The following HMGCL variants were observed in gnomAD, a reference collection of about 807,000 sequenced individuals.
HMGCL encodes the protein hydroxymethylglutaryl-CoA lyase, mitochondrial.
A neutral mutation model predicts 37.3 loss-of-function variants in HMGCL; 26 were observed. The observed-to-expected ratio is 0.70, with a 90% confidence interval of 0.51 to 0.97. The LOEUF (loss-of-function observed/expected upper bound fraction) is 0.97. Ranked by LOEUF, HMGCL falls within the 50% of genes least tolerant of loss-of-function variation. The pLI is 0.00. For missense variants in HMGCL, 379 were observed against 398.1 expected (o/e 0.95, Z 0.41); for synonymous variants, 151 against 148.0 (o/e 1.02, Z -0.15).
At chr1:23,802,843 T>C (rs1056541206) in intron 8 of HMGCL, among the ~76,000 whole-genome samples, 4 of 152,164 alleles carry the variant, frequency 2.6e-5, no homozygotes, top group African/African-American at 9.7e-5. Context: ...GTACTCCCTC[T>C]TCAGGGCCCA....
At position 23,823,048 on chromosome 1, in the gene HMGCL, T is replaced by G. The variant is rs1020957727; in HGVS notation, c.60+2308A>C. ...TAAATTAGCTAGGCATGGCAGCAGG[T>G]GCCTGCAATCCCAGCTACTCGGGAG... On this transcript the variant is annotated intron_variant, in intron 1 of 8. Transcript: ENST00000374490. 8.6e-5 allele frequency among the ~76,000 whole-genome samples: 13 copies of G among 151,982 alleles called. No individual in the cohort carries two copies. The South Asian group carries it at 1.9e-3, about 22-fold the overall frequency.
At chr1:23,810,861 G>T in intron 5 of HMGCL, 62 bp from the exon 6 acceptor site, 1 of 1,355,022 alleles carries the variant, frequency 7.4e-7, no homozygotes, top group Non-Finnish European at 1.1e-6. Context: ...GCAGAACTGA[G>T]GCAGGGCTGT....
intron 1 of HMGCL, among the ~76,000 whole-genome samples, chr1:23,821,645 C>T (rs1638723463): frequency 1.3e-5 from 2 of 151,916 alleles, no homozygotes; most frequent in Admixed American, 6.6e-5. Flanking sequence ...GGCAACAGAG[C>T]GAGACCCTGT....
chr1:23,814,267 A>G lies in HMGCL; in HGVS notation c.420T>C (p.Asn140=). ...ASELFTKKNI[N]CSIEESFQRF... ...TCTGAAAACTCTCCTCTATGGAACA[A>G]TTGATGTTCTTCTTGGTGAAGAGCT... is the stretch of plus-strand genomic sequence containing the variant. Residue 140 remains asparagine, a synonymous_variant, in exon 5 of 9, where the codon AAT becomes AAC. Transcript: ENST00000374490. 1.2e-6 allele frequency: 2 copies of G among 1,614,030 alleles called. No individual in the cohort carries two copies. The highest frequency in any genetic ancestry group is 1.1e-5 in the South Asian group (1 of 91,078).
chr1:23,802,240 G>T lies in HMGCL; in HGVS notation c.*223C>A. 1 of 603,924 alleles carries T rather than the reference G, an allele frequency of 1.7e-6. No homozygotes were observed. Among genetic ancestry groups the T allele is most frequent in the Non-Finnish European group, 2.9e-6 (1 of 340,322 alleles). The allele number at this position is 603,924 out of a possible 1,614,324, so 37.4% of individuals were successfully genotyped here. On this transcript the variant is annotated 3_prime_UTR_variant, in exon 9 of 9. Coordinates refer to ENST00000374490, the MANE Select transcript of HMGCL (RefSeq NM_000191.3). ...GGGTCCGTAACAAAGGGAGACTTCAGCCCTCAAAGCCTCTCACTCCTCAGG... is the reference window on the plus strand; with the variant it reads ...GGGTCCGTAACAAAGGGAGACTTCATCCCTCAAAGCCTCTCACTCCTCAGG...
chr1:23,823,744 C>A (rs542099052), intron 1 of HMGCL, among the ~76,000 whole-genome samples: 5 of 151,788 alleles, frequency 3.3e-5, no homozygotes, highest in African/African-American at 1.2e-4. Context: ...AAATCTAAGG[C>A]CCCACTTGGG....
In HMGCL at chr1:23,825,399, T is replaced by G; in HGVS notation, c.17A>C (p.Lys6Thr). The G allele has an allele frequency of 6.4e-7, 1 of 1,560,384 alleles. No homozygotes were observed. Among genetic ancestry groups the G allele is most frequent in the South Asian group, 1.2e-5 (1 of 84,764 alleles). Reference protein sequence around the residue: MAAMRKALPRRLVGLA... With the variant: MAAMRTALPRRLVGLA... ...GCCCACCAGTCGCCGCGGAAGCGCC[T>G]TCCTCATTGCTGCCATCTTGGCCCA... Residue 6 changes from lysine to threonine, a missense_variant, in exon 1 of 9, where the codon AAG becomes ACG. Physicochemically the swap from Lys to Thr is moderately conservative, Grantham distance 78 (BLOSUM62 -1). Transcript: ENST00000374490.
At chr1:23,820,450 A>T in intron 2 of HMGCL, 60 bp downstream of exon 2, 1 of 1,149,626 alleles carries the variant, frequency 8.7e-7, no homozygotes, top group Non-Finnish European at 1.3e-6. Context: ...CACCTATCAC[A>T]CGTAATACTC....
At chr1:23,818,959 C>T (rs1638662357) in intron 2 of HMGCL, among the ~76,000 whole-genome samples, 1 of 120,326 alleles carries the variant, frequency 8.3e-6, no homozygotes, top group African/African-American at 3.2e-5. Flanking sequence ...AACTTACACA[C>T]TATTGTTTCC....
chr1:23,819,006 T>TAAAAAAAAAAAAAAA (rs11371330), intron 2 of HMGCL, among the ~76,000 whole-genome samples: 6 of 43,144 alleles, frequency 1.4e-4, no homozygotes, highest in East Asian at 8.7e-4. Context: ...ATGGACGTGC[T>TAAAAAAAAAAAAAAA]AAAAAAAAAA....
At position 23,806,690 on chromosome 1, in the gene HMGCL, A is replaced by G. The variant is rs1230725764; in HGVS notation, c.750+1445T>C. On this transcript the variant is annotated intron_variant, in intron 7 of 8. Coordinates refer to ENST00000374490, the MANE Select transcript of HMGCL (RefSeq NM_000191.3). The surrounding 1 kb of genome is among the most constrained non-coding windows in gnomAD (Gnocchi z 4.0). ...TGGCCTGCTGTATGTTTGTTTATTTATTATCTGTCTCATAGTACTAGAGTG... is the reference window on the plus strand; with the variant it reads ...TGGCCTGCTGTATGTTTGTTTATTTGTTATCTGTCTCATAGTACTAGAGTG... The G allele has an allele frequency of 6.9e-5, 22 of 317,986 alleles. No homozygotes were observed. The Admixed American group carries it at 9.3e-4, about 13-fold the overall frequency. The allele number at this position is 317,986 out of a possible 1,614,324, so 19.7% of individuals were successfully genotyped here.
In HMGCL at chr1:23,808,140, G is replaced by C; in HGVS notation, c.745C>G (p.Leu249Val). ...GQALANTLMA[L>V]QMGVSVVDSS... ...GGGCATATGCTTTTGATTACCTGCA[G>C]GGCCATCAAGGTGTTGGCCAGGGCT... Residue 249 changes from leucine to valine, a missense_variant, in exon 7 of 9, where the codon CTG becomes GTG. Leu to Val is a conservative substitution (Grantham distance 32). Transcript: ENST00000374490. The C allele has an allele frequency of 1.2e-6, 2 of 1,613,500 alleles. No homozygotes were observed. Among genetic ancestry groups the C allele is most frequent in the Non-Finnish European group, 1.7e-6 (2 of 1,179,454 alleles).
intron 2 of HMGCL, among the ~76,000 whole-genome samples, chr1:23,819,189 A>G (rs895162483): frequency 3.3e-5 from 5 of 152,124 alleles, no homozygotes; most frequent in African/African-American, 1.2e-4. Flanking sequence ...GTGCAGCCCA[A>G]TATGTCACTA....
intron 6 of HMGCL, among the ~76,000 whole-genome samples, chr1:23,808,632 T>C (rs1463439530): frequency 6.6e-6 from 1 of 152,224 alleles, no homozygotes; most frequent in African/African-American, 2.4e-5. Flanking sequence ...CACATCATAC[T>C]GTCAGACCCA....
chr1:23,808,367 C>T, intron 6 of HMGCL, 44 bp from the exon 7 acceptor site: 1 of 1,522,972 alleles, frequency 6.6e-7, no homozygotes, highest in Non-Finnish European at 9.1e-7. Context: ...AATCCACCAG[C>T]CAGGGGATCC....
intron 2 of HMGCL, among the ~76,000 whole-genome samples, chr1:23,818,197 G>A (rs1019864727): frequency 2.0e-5 from 3 of 152,170 alleles, no homozygotes; most frequent in African/African-American, 4.8e-5. Context: ...ATTGGCTCAC[G>A]CCTGTAATCC....
Position 23,802,525 on chromosome 1 carries a change from TAA to T in HMGCL, c.914_915del (p.Phe305TyrfsTer10), listed in dbSNP as rs786205431. On this transcript the variant is annotated frameshift_variant, in exon 9 of 9. Transcript: ENST00000374490. LOFTEE classifies it high-confidence loss of function. Reference sequence around the variant, plus strand: ...GTTTTTCTGTTCAGGGCTTGACAGATAAAGTTTCCAGCTTCCAGAAGCTTCTG... The same window carrying T: ...GTTTTTCTGTTCAGGGCTTGACAGATAGTTTCCAGCTTCCAGAAGCTTCTG... Reference protein sequence around the residue: ...NLQKLLEAGNFICQALNRKTS... With the variant: ...NLQKLLEAGNXICQALNRKTS... 6 of 1,614,072 alleles carry T rather than the reference TAA, an allele frequency of 3.7e-6. No homozygotes were observed. The highest frequency in any genetic ancestry group is 3.3e-4 in the Middle Eastern group (2 of 6,062).
At chr1:23,809,979 G>A (rs1409711676) in intron 6 of HMGCL, 1 of 153,592 alleles carries the variant, frequency 6.5e-6, no homozygotes, top group African/African-American at 2.4e-5. Context: ...CACTAGCTGT[G>A]GGCCTTGGCA....
intron 8 of HMGCL, among the ~76,000 whole-genome samples, chr1:23,803,179 T>A (rs538267177): frequency 6.6e-6 from 1 of 152,194 alleles, no homozygotes; most frequent in East Asian, 1.9e-4. Context: ...GGGTTACAGG[T>A]GTGTGCCACC....
Sources: gnomAD v4.1 joint callset for allele counts (sites outside exome capture counted in the v4.1 genomes callset) on GRCh38, gnomAD v4.1.1 for gene constraint, Gnocchi (gnomAD v3.1) non-coding constraint, MANE v1.5 for transcripts, NCBI Gene and HGNC (gene_info 2026-07-23, HGNC 2026-07-21) for gene names.